The following OSBPL10 variants were observed in gnomAD, a reference collection of about 807,000 sequenced individuals.
OSBPL10 encodes oxysterol-binding protein-related protein 10.
OSBPL10 carries 49 observed loss-of-function variants against 81.7 expected under a neutral mutation model. The observed-to-expected ratio is 0.60, with a 90% CI of 0.48 to 0.76. OSBPL10 has a LOEUF of 0.76. OSBPL10 is among the 30% of genes least tolerant of loss of function. OSBPL10 has a pLI of 0.00. For synonymous variants in OSBPL10, 419 were observed against 383.6 expected (o/e 1.09, Z -1.08); for missense variants, 923 against 987.8 (o/e 0.93, Z 0.88).
intron 4 of OSBPL10, among the ~76,000 whole-genome samples, chr3:31,789,892 T>C (rs1698968071): frequency 6.6e-6 from 1 of 152,214 alleles, no homozygotes; most frequent in Non-Finnish European, 1.5e-5. Context: ...GCAACTCTTT[T>C]ACTAAACCTG....
chr3:31,965,552 ATTATATAAATT>A (rs1559534905), intron 1 of OSBPL10, among the ~76,000 whole-genome samples: 21 of 80,972 alleles, frequency 2.6e-4, no homozygotes, highest in East Asian at 1.5e-3. Flanking sequence ...TATATTATAT[ATTATATAAATT>A]ATATATTATA....
At chr3:32,028,926 G>GAACACACACA (rs201594298) in intron 2 of OSBPL10, among the ~76,000 whole-genome samples, 891 of 67,262 alleles carry the variant, frequency 0.013, 93 homozygotes, top group East Asian at 0.016. Flanking sequence ...TAGCTAGTCA[G>GAACACACACA]GACACACACA....
chr3:31,879,608 A>T (rs1246099030), intron 2 of OSBPL10, 47 bp downstream of exon 2: 1 of 1,552,358 alleles, frequency 6.4e-7, no homozygotes, highest in East Asian at 2.3e-5. Flanking sequence ...AGCCATCACC[A>T]TAGCAACTAG....
intron 1 of OSBPL10, among the ~76,000 whole-genome samples, chr3:31,909,840 C>T (rs1488196374): frequency 6.6e-6 from 1 of 152,102 alleles, no homozygotes; most frequent in African/African-American, 2.4e-5. Context: ...AAACAAACCC[C>T]CTAACACCAT....
intron 1 of OSBPL10, among the ~76,000 whole-genome samples, chr3:31,897,554 A>G (rs993970785): frequency 2.0e-5 from 3 of 152,260 alleles, no homozygotes; most frequent in Admixed American, 2.0e-4. Flanking sequence ...TTAGTGCCAA[A>G]CAGGTTAGAT....
intron 1 of OSBPL10, among the ~76,000 whole-genome samples, chr3:31,894,599 A>T (rs1042613912): frequency 2.6e-5 from 4 of 152,190 alleles, no homozygotes; most frequent in African/African-American, 9.6e-5. Context: ...AAAGGAAAAG[A>T]ACTTCTCTTC....
chr3:32,074,978 ACAACTGCGGGT>A lies in OSBPL10; in HGVS notation n.185+2407_185+2417del, dbSNP rs60143235. On this transcript the variant is annotated intron_variant and non_coding_transcript_variant, in intron 1 of 3. Transcript: ENST00000479173. ...AAATCCAGTTTGCAGATGGGAATGAACAACTGCGGGTCCCCCTCATGACGCCAACACGACCA... is the reference window on the plus strand; with the variant it reads ...AAATCCAGTTTGCAGATGGGAATGAACCCCCTCATGACGCCAACACGACCA... Among the ~76,000 whole-genome samples, 1,330 of 152,338 alleles carry A rather than the reference ACAACTGCGGGT, an allele frequency of 8.7e-3. 30 individuals carry two copies. Among genetic ancestry groups the A allele is most frequent in the East Asian group, 0.087 (452 of 5,186 alleles).
intron 1 of OSBPL10, among the ~76,000 whole-genome samples, chr3:32,070,421 A>G (rs1699820565): frequency 6.6e-6 from 1 of 152,074 alleles, no homozygotes; most frequent in Non-Finnish European, 1.5e-5. Context: ...CTACAGTCAC[A>G]TCTTATCTCC....
At chr3:31,888,461 A>G in intron 1 of OSBPL10, among the ~76,000 whole-genome samples, 1 of 152,252 alleles carries the variant, frequency 6.6e-6, no homozygotes. Context: ...CAAAGCAAAA[A>G]TAAACAAATG....
chr3:31,714,028 T>C (rs1696351194), intron 6 of OSBPL10: 3 of 152,218 alleles, frequency 2.0e-5, no homozygotes, highest in African/African-American at 4.8e-5. Context: ...CTGAAGATTC[T>C]GAGGAGGCTG....
intron 1 of OSBPL10, among the ~76,000 whole-genome samples, chr3:32,051,947 G>A (rs1249658866): frequency 2.0e-5 from 3 of 152,102 alleles, no homozygotes; most frequent in Non-Finnish European, 4.4e-5. Context: ...AATAAAGACA[G>A]TTTTCAAGAT....
chr3:31,899,202 A>G (rs575101881), intron 1 of OSBPL10, among the ~76,000 whole-genome samples: 1 of 151,970 alleles, frequency 6.6e-6, no homozygotes, highest in Non-Finnish European at 1.5e-5. Context: ...TCGGCCTCCC[A>G]AAGTGCTAGG....
chr3:31,966,143 C>G (rs1418406625), intron 1 of OSBPL10, among the ~76,000 whole-genome samples: 1 of 138,662 alleles, frequency 7.2e-6, no homozygotes, highest in African/African-American at 2.9e-5. Flanking sequence ...ACAACAACAA[C>G]AACAAAATTA....
In OSBPL10 at chr3:31,990,283, G is replaced by A. The variant is rs1221587084; in HGVS notation, n.298+56208C>T. On this transcript the variant is annotated intron_variant and non_coding_transcript_variant, in intron 2 of 3. Coordinates refer to the OSBPL10 transcript ENST00000479173. Reference sequence around the variant, plus strand: ...TATAGGGAAACTTTATAAATGTAATGATTGTCACAAAGTCTTCAGTAATGC... The same window carrying A: ...TATAGGGAAACTTTATAAATGTAATAATTGTCACAAAGTCTTCAGTAATGC... 2.5e-6 allele frequency: 4 copies of A among 1,614,078 alleles called. No homozygotes were observed. The South Asian group carries it at 4.4e-5, about 18-fold the overall frequency.
At chr3:31,800,680 T>A (rs1699356544) in intron 4 of OSBPL10, among the ~76,000 whole-genome samples, 1 of 151,116 alleles carries the variant, frequency 6.6e-6, no homozygotes, top group African/African-American at 2.5e-5. Context: ...ATGAACCACA[T>A]GGGTGGGTCA....
rs6147757 is a variant in OSBPL10 at position 31,792,860 on chromosome 3, CTGTGTGTGTGTGTGTG to C, written c.729+37164_729+37179del. ...TTGCACTCTCAGCTATCTAGGCACT[CTGTGTGTGTGTGTGTG>C]TGTGTGTGTGTGTGTGTGTGTGTGT... On this transcript the variant is annotated intron_variant, in intron 4 of 11. Coordinates refer to ENST00000396556, the MANE Select transcript of OSBPL10 (RefSeq NM_017784.5). Among the ~76,000 whole-genome samples, 390 of 126,734 alleles carry C rather than the reference CTGTGTGTGTGTGTGTG, an allele frequency of 3.1e-3. 5 individuals carry two copies. Among genetic ancestry groups the C allele is most frequent in the Non-Finnish European group, 2.1e-3 (130 of 61,588 alleles). 83.1% of individuals were successfully genotyped at this position (126,734 alleles called of 152,430 possible).
intron 1 of OSBPL10, among the ~76,000 whole-genome samples, chr3:31,904,768 A>C (rs566059154): frequency 1.3e-5 from 2 of 152,324 alleles, no homozygotes; most frequent in African/African-American, 4.8e-5. Flanking sequence ...CCTGAATCAA[A>C]ATCATTTCCA....
chr3:31,911,642 CAT>C (rs1696582648), intron 1 of OSBPL10, among the ~76,000 whole-genome samples: 1 of 151,640 alleles, frequency 6.6e-6, no homozygotes, highest in Non-Finnish European at 1.5e-5. Context: ...AAAAAAAACT[CAT>C]GTTTTAAGAA....
chr3:31,838,823 C>A (rs1473827975), intron 3 of OSBPL10, among the ~76,000 whole-genome samples: 4 of 152,192 alleles, frequency 2.6e-5, no homozygotes, highest in African/African-American at 9.6e-5. Flanking sequence ...GGAGCTAATA[C>A]TTTAAATTGT....
Sources: allele counts gnomAD v4.1 joint callset (sites outside exome capture counted in the v4.1 genomes callset), GRCh38; gene constraint gnomAD v4.1.1; transcripts MANE v1.5; gene names NCBI Gene and HGNC (gene_info 2026-07-23, HGNC 2026-07-21).